TSHZ2: variants seen among roughly 807,000 people sequenced by gnomAD.
TSHZ2 encodes the protein teashirt homolog 2.
TSHZ2 carries 21 observed loss-of-function variants against 74.4 expected under a neutral mutation model. That is an observed-to-expected ratio of 0.28 (90% CI 0.20 to 0.41). TSHZ2 has a LOEUF of 0.41. Ranked by LOEUF, TSHZ2 falls within the 10% of genes least tolerant of loss-of-function variation. The probability of loss-of-function intolerance (pLI) is 1.00; values close to 1 mark genes in which losing one functional copy is unlikely to be tolerated. For synonymous variants in TSHZ2, 540 were observed against 515.3 expected, an observed-to-expected ratio of 1.05 and a Z score of -0.65; for missense variants, 1,244 against 1,293.5, an observed-to-expected ratio of 0.96 and a Z score of 0.59.
intron 1 of TSHZ2, among the ~76,000 whole-genome samples, chr20:53,025,863 C>T (rs1234660823): frequency 6.6e-6 from 1 of 152,142 alleles, no homozygotes; most frequent in African/African-American, 2.4e-5. Flanking sequence ...TTTAGGAGCT[C>T]TTCGACTGCC....
intron 2 of TSHZ2, among the ~76,000 whole-genome samples, chr20:53,448,582 C>T (rs899791832): frequency 6.6e-6 from 1 of 152,148 alleles, no homozygotes; most frequent in Non-Finnish European, 1.5e-5. Flanking sequence ...GGGCTGGTTT[C>T]CATATCAGGA....
intron 1 of TSHZ2, among the ~76,000 whole-genome samples, chr20:53,184,487 T>G (rs369124158): frequency 6.6e-6 from 1 of 152,166 alleles, no homozygotes; most frequent in Non-Finnish European, 1.5e-5. Flanking sequence ...AAATGTGAAT[T>G]TTAAGGCATT....
At chr20:53,084,686 CCTCCCTCTCTCCCTCT>C (rs139865511) in intron 1 of TSHZ2, among the ~76,000 whole-genome samples, 3 of 108,010 alleles carry the variant, frequency 2.8e-5, no homozygotes, top group Non-Finnish European at 5.4e-5. Context: ...TCCCTCCCTC[CCTCCCTCTCTCCCTCT>C]CTCCCTCTCT....
chr20:53,198,500 G>GTT (rs1199978821), intron 1 of TSHZ2, among the ~76,000 whole-genome samples: 1 of 152,186 alleles, frequency 6.6e-6, no homozygotes, highest in African/African-American at 2.4e-5. Flanking sequence ...TCACATAGCT[G>GTT]ATAAGTAAAG....
At chr20:53,320,888 C>T (rs753278292) in intron 2 of TSHZ2, among the ~76,000 whole-genome samples, 15 of 152,300 alleles carry the variant, frequency 9.8e-5, no homozygotes, top group Middle Eastern at 6.8e-3. Context: ...GTGATGAAGA[C>T]ATCGTTCCAG....
intron 1 of TSHZ2, chr20:53,185,807 A>G (rs1988584616): frequency 4.3e-6 from 5 of 1,170,910 alleles, no homozygotes; most frequent in Admixed American, 4.9e-5. Flanking sequence ...CCTTGCTTGT[A>G]TCAGTAATTT....
intron 2 of TSHZ2, among the ~76,000 whole-genome samples, chr20:53,262,384 C>T (rs1990622113): frequency 6.6e-6 from 1 of 152,132 alleles, no homozygotes; most frequent in Non-Finnish European, 1.5e-5. Context: ...AATGAGCAGG[C>T]GTTCATGATT....
At chr20:53,115,090 T>A (rs992001371) in intron 1 of TSHZ2, among the ~76,000 whole-genome samples, 5 of 152,198 alleles carry the variant, frequency 3.3e-5, no homozygotes, top group African/African-American at 1.2e-4. Context: ...TCCTCATTTG[T>A]TCATTCCACA....
intron 1 of TSHZ2, among the ~76,000 whole-genome samples, chr20:53,147,468 AC>A (rs1477224980): frequency 1.3e-5 from 2 of 152,228 alleles, no homozygotes; most frequent in Non-Finnish European, 2.9e-5. Flanking sequence ...CAGTCTAGAA[AC>A]TTAAATGTTC....
At chr20:52,994,879 C>A (rs1225720912) in intron 1 of TSHZ2, among the ~76,000 whole-genome samples, 1 of 152,216 alleles carries the variant, frequency 6.6e-6, no homozygotes, top group South Asian at 2.1e-4. Flanking sequence ...ACATGCCAGG[C>A]TCTGTCCCAT....
intron 1 of TSHZ2, among the ~76,000 whole-genome samples, chr20:53,120,329 T>C (rs1986775384): frequency 6.6e-6 from 1 of 152,202 alleles, no homozygotes; most frequent in African/African-American, 2.4e-5. Context: ...AGTATGATAA[T>C]CGTTCAAAAC....
At position 53,268,709 on chromosome 20, in the gene TSHZ2, T is replaced by C. The variant is rs200867319; in HGVS notation, c.*8+12138T>C. Among the ~76,000 whole-genome samples the C allele has an allele frequency of 3.3e-5, 5 of 152,352 alleles. No individual in the cohort carries two copies. In the East Asian group the frequency reaches 9.6e-4, roughly 29 times the overall value. ...TTCACTAAACCCCAGGTTGCTCACC[T>C]GTTGACTGGAACAAACAATAGTCCC... On this transcript the variant is annotated intron_variant, in intron 2 of 2. Transcript: ENST00000371497.
At chr20:53,127,842 G>A (rs571373897) in intron 1 of TSHZ2, among the ~76,000 whole-genome samples, 1 of 152,246 alleles carries the variant, frequency 6.6e-6, no homozygotes, top group Non-Finnish European at 1.5e-5. Context: ...GCAGAGGCAT[G>A]ATTTGAACCC....
intron 2 of TSHZ2, among the ~76,000 whole-genome samples, chr20:53,374,716 G>C (rs1012313605): frequency 2.6e-5 from 4 of 151,874 alleles, no homozygotes; most frequent in Non-Finnish European, 5.9e-5. Context: ...TCTGATTTTG[G>C]GTTTGATTTG....
chr20:53,008,162 A>G (rs1048972174), intron 1 of TSHZ2, among the ~76,000 whole-genome samples: 1 of 152,194 alleles, frequency 6.6e-6, no homozygotes, highest in Non-Finnish European at 1.5e-5. Context: ...TTTCTTAATG[A>G]TATGAACAGT....
chr20:53,058,424 TAC>T (rs1375224564), intron 1 of TSHZ2, among the ~76,000 whole-genome samples: 13 of 152,204 alleles, frequency 8.5e-5, no homozygotes, highest in Admixed American at 2.6e-4. Context: ...CATAACAGGC[TAC>T]AGTTTGTGAG....
chr20:53,357,559 TAAAGGCA>T (rs1980891927), intron 2 of TSHZ2, among the ~76,000 whole-genome samples: 1 of 152,108 alleles, frequency 6.6e-6, no homozygotes, highest in South Asian at 2.1e-4. Flanking sequence ...TCTAAGCTAG[TAAAGGCA>T]AATAATAAAA....
At chr20:53,462,860 A>G (rs1464127466) in intron 2 of TSHZ2, among the ~76,000 whole-genome samples, 7 of 152,202 alleles carry the variant, frequency 4.6e-5, no homozygotes, top group Middle Eastern at 3.4e-3. Flanking sequence ...AGGGATCCAA[A>G]TCCAGGTTCC....
chr20:53,089,621 T>A (rs996760543), intron 1 of TSHZ2, among the ~76,000 whole-genome samples: 1 of 152,084 alleles, frequency 6.6e-6, no homozygotes, highest in African/African-American at 2.4e-5. Context: ...TTTAATCACA[T>A]AAATATGATT....
Sources: allele counts gnomAD v4.1 joint callset (sites outside exome capture counted in the v4.1 genomes callset), GRCh38; gene constraint gnomAD v4.1.1; transcripts MANE v1.5; gene names NCBI Gene and HGNC (gene_info 2026-07-23, HGNC 2026-07-21).